The following OR3A2 variants were observed in gnomAD, a reference collection of about 807,000 sequenced individuals.
The protein encoded by OR3A2 is olfactory receptor 3A2.
For synonymous variants in OR3A2, 126 were observed against 159.3 expected (o/e 0.79, Z 1.57); for missense variants, 318 against 392.8 (o/e 0.81, Z 1.61).
chr17:3,330,578 C>T (rs1402469994), intron 3 of OR3A2, among the ~76,000 whole-genome samples: 1 of 152,086 alleles, frequency 6.6e-6, no homozygotes, highest in African/African-American at 2.4e-5. Flanking sequence ...GATCTTTCTC[C>T]ATCCTTTTAT....
chr17:3,321,566 T>C (rs1367687190), intron 3 of OR3A2, among the ~76,000 whole-genome samples: 2 of 152,200 alleles, frequency 1.3e-5, no homozygotes, highest in Non-Finnish European at 2.9e-5. Context: ...CAATACCTAA[T>C]TTATTGAGAG....
chr17:3,299,424 T>C (rs914594374), intron 3 of OR3A2, among the ~76,000 whole-genome samples: 1 of 152,148 alleles, frequency 6.6e-6, no homozygotes, highest in Non-Finnish European at 1.5e-5. Flanking sequence ...GGGGACCCCA[T>C]CATGACTTTG....
At chr17:3,329,532 G>C (rs1378407104) in intron 3 of OR3A2, among the ~76,000 whole-genome samples, 1 of 127,464 alleles carries the variant, frequency 7.8e-6, no homozygotes, top group Non-Finnish European at 1.6e-5. Context: ...ATGGTAGTTT[G>C]TATTTCTGTG....
chr17:3,373,962 C>T (rs569731999), intron 2 of OR3A2, among the ~76,000 whole-genome samples: 1 of 152,168 alleles, frequency 6.6e-6, no homozygotes, highest in Non-Finnish European at 1.5e-5. Context: ...AGATCCAGAA[C>T]TCCTTTTAGC....
At chr17:3,292,483 A>G (rs149826123) in intron 3 of OR3A2, 3 of 1,613,792 alleles carry the variant, frequency 1.9e-6, no homozygotes, top group South Asian at 1.1e-5. Flanking sequence ...GCAAAGAGGA[A>G]GAGCACAAAG....
intron 2 of OR3A2, among the ~76,000 whole-genome samples, chr17:3,350,171 A>AT (rs2049407169): frequency 6.6e-6 from 1 of 151,926 alleles, no homozygotes. Context: ...AAGGCAAGAA[A>AT]TAACTAAAAT....
At chr17:3,384,627 A>G (rs1368929477) in intron 1 of OR3A2, among the ~76,000 whole-genome samples, 9 of 152,154 alleles carry the variant, frequency 5.9e-5, no homozygotes, top group Admixed American at 5.2e-4. Flanking sequence ...ACATGCTGCA[A>G]GCTACTGCAC....
chr17:3,296,250 GA>G (rs2048917194), intron 3 of OR3A2, among the ~76,000 whole-genome samples: 2 of 152,118 alleles, frequency 1.3e-5, no homozygotes, highest in South Asian at 4.1e-4. Flanking sequence ...GGACCAAACA[GA>G]GAATGAAAAC....
chr17:3,291,481 G>C (rs902365637), intron 3 of OR3A2: 1 of 605,118 alleles, frequency 1.7e-6, no homozygotes, highest in Non-Finnish European at 2.8e-6. Context: ...GGACAGGGCT[G>C]CTTTCAGAAA....
chr17:3,335,643 T>C (rs865801686), intron 3 of OR3A2, among the ~76,000 whole-genome samples: 17 of 152,200 alleles, frequency 1.1e-4, no homozygotes, highest in African/African-American at 4.1e-4. Flanking sequence ...TTCCAGTCAT[T>C]TAGACACCAG....
intron 2 of OR3A2, among the ~76,000 whole-genome samples, chr17:3,378,353 G>C (rs1316449614): frequency 6.6e-6 from 1 of 152,254 alleles, no homozygotes; most frequent in African/African-American, 2.4e-5. Context: ...CACCTGGCTG[G>C]GTTGCAACAA....
intron 3 of OR3A2, chr17:3,310,365 G>C (rs770847500): frequency 3.0e-5 from 16 of 534,712 alleles, no homozygotes; most frequent in Middle Eastern, 3.2e-4. Flanking sequence ...TGTCCTGCTG[G>C]GCCTCACAGA....
chr17:3,370,689 G>A (rs1396449765), intron 2 of OR3A2, among the ~76,000 whole-genome samples: 1 of 151,214 alleles, frequency 6.6e-6, no homozygotes, highest in East Asian at 1.9e-4. Flanking sequence ...GATTTGGCAG[G>A]GTCATAGGAC....
At position 3,354,096 on chromosome 17, in the gene OR3A2, G is replaced by T. The variant is rs1354217855; in HGVS notation, c.-178-17970C>A. Among the ~76,000 whole-genome samples, 5 of 151,882 alleles carry T rather than the reference G, an allele frequency of 3.3e-5. No individual in the cohort carries two copies. The East Asian group carries it at 7.7e-4, about 23-fold the overall frequency. On this transcript the variant is annotated intron_variant, in intron 2 of 4. Transcript: ENST00000573491. ...TTTGATTGGCTAGCATTTTGTTGAA[G>T]ATTTCTGCACCAGTATTCATCAGAG...
At chr17:3,332,843 T>C (rs1052910287) in intron 3 of OR3A2, among the ~76,000 whole-genome samples, 1 of 152,204 alleles carries the variant, frequency 6.6e-6, no homozygotes, top group African/African-American at 2.4e-5. Flanking sequence ...ATCTCTTAAC[T>C]CTGTTATCTT....
chr17:3,297,706 C>T (rs1407809074), intron 3 of OR3A2, among the ~76,000 whole-genome samples: 1 of 152,056 alleles, frequency 6.6e-6, no homozygotes, highest in East Asian at 1.9e-4. Context: ...TTGTGTCACA[C>T]TTTGCATACA....
chr17:3,371,440 T>C (rs1597362585), intron 2 of OR3A2, among the ~76,000 whole-genome samples: 7 of 129,060 alleles, frequency 5.4e-5, no homozygotes, highest in Admixed American at 5.2e-4. Flanking sequence ...CCCACCTCCC[T>C]CCCGGACGGG....
intron 2 of OR3A2, 94 bp from the exon 2 acceptor site, chr17:3,336,220 A>C (rs1175616711): frequency 6.6e-6 from 1 of 152,190 alleles, no homozygotes; most frequent in Non-Finnish European, 1.5e-5. Context: ...AAATTCTAAA[A>C]CTGAACAACT....
chr17:3,290,378 T>C (rs1318332855), intron 3 of OR3A2, among the ~76,000 whole-genome samples: 1 of 152,194 alleles, frequency 6.6e-6, no homozygotes, highest in Non-Finnish European at 1.5e-5. Flanking sequence ...CCCCTCCACT[T>C]GCAATTCTCT....
Sources: gnomAD v4.1 joint callset for allele counts (sites outside exome capture counted in the v4.1 genomes callset) on GRCh38, gnomAD v4.1.1 for gene constraint, MANE v1.5 for transcripts, NCBI Gene and HGNC (gene_info 2026-07-23, HGNC 2026-07-21) for gene names.